The following ZNF469 variants were observed in gnomAD, a reference collection of about 807,000 sequenced individuals.
ZNF469 encodes zinc finger protein 469.
In ZNF469, 1 loss-of-function variant was observed where a neutral mutation model predicts 1.0. That is an observed-to-expected ratio of 1.00 (90% CI 0.35 to 4.73). ZNF469 has a LOEUF of 4.73. Among genes scored for constraint, ZNF469 ranks in the 30% most tolerant of loss-of-function variants. The pLI is 0.16. For missense variants in ZNF469, 6,100 were observed against 5,356.3 expected (o/e 1.14, Z -4.33); for synonymous variants, 2,703 against 2,363.4 (o/e 1.14, Z -4.17).
At chr16:88,182,312 A>G in the ZNF469 span, among the ~76,000 whole-genome samples, 22,680 of 152,104 alleles carry the variant, frequency 0.15, 2,455 homozygotes, top group African/African-American at 0.31. Context: ...AAACTGAGCT[A>G]TAGATCCAAT....
chr16:88,205,014 G>C, the ZNF469 span, among the ~76,000 whole-genome samples: 306 of 152,228 alleles, frequency 2.0e-3, 1 homozygote, highest in African/African-American at 6.9e-3. This position sits in a 1 kb window ranked among gnomAD's most constrained non-coding sequence, Gnocchi z 4.2. Flanking sequence ...TCGCGTTAAG[G>C]GGCAGCGCCG....
chr16:88,400,088 C>T lies in ZNF469; in HGVS notation c.-192+16834C>T, dbSNP rs977406428. Among the ~76,000 whole-genome samples, 14 of 152,316 alleles carry T rather than the reference C, an allele frequency of 9.2e-5. No individual in the cohort carries two copies. In the East Asian group the frequency reaches 1.7e-3, roughly 19 times the overall value. Reference sequence around the variant, plus strand: ...ACGTGGGGTGAAGGGAGGCAGTGTCCGGGCCAGCCGTTCATCAGCAGCAAA... The same window carrying T: ...ACGTGGGGTGAAGGGAGGCAGTGTCTGGGCCAGCCGTTCATCAGCAGCAAA... On this transcript the variant is annotated intron_variant, in intron 1 of 2. Coordinates refer to ENST00000565624, the MANE Select transcript of ZNF469 (RefSeq NM_001367624.2).
At chr16:88,251,957 G>A in the ZNF469 span, among the ~76,000 whole-genome samples, 1 of 150,892 alleles carries the variant, frequency 6.6e-6, no homozygotes. Flanking sequence ...ATGGATCTGG[G>A]CTAAGGCTAT....
At chr16:88,137,155 G>A in the ZNF469 span, among the ~76,000 whole-genome samples, 20 of 152,136 alleles carry the variant, frequency 1.3e-4, no homozygotes, top group Admixed American at 2.0e-4. Context: ...CAATAACCAC[G>A]TGTGCATACA....
At chr16:88,390,580 C>T (rs1904459707) in intron 1 of ZNF469, among the ~76,000 whole-genome samples, 1 of 152,228 alleles carries the variant, frequency 6.6e-6, no homozygotes, top group Non-Finnish European at 1.5e-5. Flanking sequence ...TTTTCCTGCA[C>T]TGTCAGCTAC....
the ZNF469 span, among the ~76,000 whole-genome samples, chr16:88,319,937 G>T: frequency 6.6e-6 from 1 of 152,240 alleles, no homozygotes; most frequent in Non-Finnish European, 1.5e-5. Flanking sequence ...TGACCCTCAT[G>T]TGGGGTCAGT....
the ZNF469 span, among the ~76,000 whole-genome samples, chr16:88,360,486 G>A: frequency 9.2e-5 from 12 of 131,030 alleles, no homozygotes; most frequent in East Asian, 4.7e-4. Context: ...CCCAGACAGC[G>A]CCCGCATGCT....
At chr16:88,347,021 G>A in the ZNF469 span, among the ~76,000 whole-genome samples, 1 of 152,230 alleles carries the variant, frequency 6.6e-6, no homozygotes, top group Non-Finnish European at 1.5e-5. Flanking sequence ...GTTCTGGGGG[G>A]AAGTAAGATA....
chr16:88,343,424 G>C, the ZNF469 span, among the ~76,000 whole-genome samples: 1 of 152,130 alleles, frequency 6.6e-6, no homozygotes. Flanking sequence ...GCACAGAGCC[G>C]CCCGCCCACA....
At chr16:88,170,880 C>T in the ZNF469 span, among the ~76,000 whole-genome samples, 3 of 151,810 alleles carry the variant, frequency 2.0e-5, no homozygotes, top group South Asian at 2.1e-4. This position sits in a 1 kb window ranked among gnomAD's most constrained non-coding sequence, Gnocchi z 4.2. Context: ...CCTCCAACCG[C>T]GAGCAAGTGT....
At chr16:88,412,511 G>A (rs1196175263) in intron 1 of ZNF469, among the ~76,000 whole-genome samples, 1 of 152,242 alleles carries the variant, frequency 6.6e-6, no homozygotes, top group African/African-American at 2.4e-5. Flanking sequence ...GGCGGTTCCA[G>A]AAACCCTTGA....
chr16:88,164,756 C>T, the ZNF469 span, among the ~76,000 whole-genome samples: 2 of 152,056 alleles, frequency 1.3e-5, no homozygotes, highest in Admixed American at 6.5e-5. Flanking sequence ...AGAATAAAGC[C>T]CTTAAATCTT....
chr16:88,435,571 G>C lies in ZNF469; in HGVS notation c.8101G>C (p.Gly2701Arg), dbSNP rs1314916953. The C allele has an allele frequency of 1.3e-6, 2 of 1,549,990 alleles. No homozygotes were observed. The highest frequency in any genetic ancestry group is 1.4e-5 in the African/African-American group (1 of 73,176). ...GCCTCGCTTGGCCACTCTGGGACCT[G>C]GGGTGATGGAGGGTGCAGCGGAGAC... The part of the protein sequence containing the change: ...QPPRLATLGP[G>R]VMEGAAETDQ... Residue 2701 changes from glycine to arginine, a missense_variant, in exon 3 of 3, where the codon GGG becomes CGG. By Grantham distance (125) the Gly-to-Arg change is moderately radical. Coordinates refer to ENST00000565624, the MANE Select transcript of ZNF469 (RefSeq NM_001367624.2).
At chr16:88,135,113 C>T in the ZNF469 span, among the ~76,000 whole-genome samples, 1 of 152,342 alleles carries the variant, frequency 6.6e-6, no homozygotes, top group East Asian at 1.9e-4. Flanking sequence ...GAAGAATGGG[C>T]ACTCCCTGCT....
chr16:88,327,355 C>G, the ZNF469 span, among the ~76,000 whole-genome samples: 2 of 152,240 alleles, frequency 1.3e-5, no homozygotes, highest in South Asian at 4.1e-4. Flanking sequence ...GTGCAGCACC[C>G]CTGCCACCTG....
the ZNF469 span, among the ~76,000 whole-genome samples, chr16:88,192,736 ATGG>A: frequency 7.2e-5 from 11 of 152,356 alleles, no homozygotes; most frequent in Non-Finnish European, 1.0e-4. Flanking sequence ...GGTGTTGATA[ATGG>A]TGGTGGTGAC....
Position 88,435,474 on chromosome 16 carries a change from G to A in ZNF469, c.8004G>A (p.Met2668Ile). The change falls in exon 3 of 3, where the codon ATG (methionine) becomes ATA (isoleucine). Residue 2668 changes from methionine (M) to isoleucine (I), a missense_variant. Transcript: ENST00000565624. ...GCGGCTCCAGACCATCCCCTGCAATGGCCAGTTACGCAGCCTCTCCGAGCC... is the reference window on the plus strand; with the variant it reads ...GCGGCTCCAGACCATCCCCTGCAATAGCCAGTTACGCAGCCTCTCCGAGCC... ...DGRGSRPSPA[M>I]ASYAASPSHC... 1 of 1,549,340 alleles carries A rather than the reference G, an allele frequency of 6.5e-7. No homozygotes were observed. The highest frequency in any genetic ancestry group is 8.7e-7 in the Non-Finnish European group (1 of 1,146,974).
chr16:88,269,679 G>C, the ZNF469 span, among the ~76,000 whole-genome samples: 1 of 152,138 alleles, frequency 6.6e-6, no homozygotes, highest in East Asian at 1.9e-4. Context: ...TTCTGCACCT[G>C]CTGGTTGGTA....
chr16:88,153,804 C>G, the ZNF469 span, among the ~76,000 whole-genome samples: 5 of 152,200 alleles, frequency 3.3e-5, no homozygotes, highest in Non-Finnish European at 7.4e-5. Flanking sequence ...CCTCACAGGG[C>G]CTTCCCTCTG....
Sources: allele counts gnomAD v4.1 joint callset (sites outside exome capture counted in the v4.1 genomes callset), GRCh38; gene constraint gnomAD v4.1.1; non-coding constraint Gnocchi (gnomAD v3.1); transcripts MANE v1.5; gene names NCBI Gene and HGNC (gene_info 2026-07-23, HGNC 2026-07-21).